Variants in LRRC4C observed in about 807,000 individuals in gnomAD.
LRRC4C encodes leucine-rich repeat-containing protein 4C.
A neutral mutation model predicts 33.6 loss-of-function variants in LRRC4C; 5 were observed. The observed-to-expected ratio is 0.15, with a 90% confidence interval of 0.08 to 0.31. The LOEUF (loss-of-function observed/expected upper bound fraction) is 0.31. Among genes scored for constraint, LRRC4C ranks in the 10% least tolerant of loss-of-function variants. The pLI is 1.00. For synonymous variants in LRRC4C, 329 were observed against 302.0 expected (o/e 1.09, Z -0.93); for missense variants, 560 against 796.7 (o/e 0.70, Z 3.58).
chr11:41,059,173 A>G (rs1858864492), intron 1 of LRRC4C, among the ~76,000 whole-genome samples: 1 of 150,594 alleles, frequency 6.6e-6, no homozygotes, highest in Non-Finnish European at 1.5e-5. Flanking sequence ...TGCCTATATA[A>G]GGAATCTGCA....
intron 1 of LRRC4C, among the ~76,000 whole-genome samples, chr11:41,132,473 GTTAC>G (rs897644917): frequency 2.0e-5 from 3 of 152,038 alleles, no homozygotes; most frequent in African/African-American, 7.2e-5. Context: ...ATATTATGCA[GTTAC>G]TTAAGATGAT....
chr11:41,228,276 TAGAG>T (rs199836526), intron 1 of LRRC4C, among the ~76,000 whole-genome samples: 12 of 151,324 alleles, frequency 7.9e-5, no homozygotes, highest in East Asian at 1.9e-4. Context: ...AGATCAATGA[TAGAG>T]AGAGAGAGAG....
chr11:40,984,415 G>GAAAGAGAA (rs775053197), intron 1 of LRRC4C, among the ~76,000 whole-genome samples: 2 of 73,604 alleles, frequency 2.7e-5, no homozygotes, highest in Non-Finnish European at 6.9e-5. Context: ...AAGAAAGAAA[G>GAAAGAGAA]AGAAAGAAAG....
intron 3 of LRRC4C, among the ~76,000 whole-genome samples, chr11:40,572,147 G>C (rs1169162827): frequency 2.0e-5 from 3 of 152,124 alleles, no homozygotes; most frequent in Non-Finnish European, 4.4e-5. Context: ...CAGTCATTTT[G>C]TTCATATGGG....
At chr11:41,368,844 C>T (rs1373820716) in intron 1 of LRRC4C, among the ~76,000 whole-genome samples, 1 of 152,168 alleles carries the variant, frequency 6.6e-6, no homozygotes, top group African/African-American at 2.4e-5. Context: ...AGGAGGCATA[C>T]TTTTTTCCCC....
In LRRC4C at chr11:41,305,992, G is replaced by T. The variant is rs1312224657; in HGVS notation, c.-496+153439C>A. Among the ~76,000 whole-genome samples the T allele has an allele frequency of 2.9e-4, 43 of 148,016 alleles. No homozygotes were observed. The East Asian group carries it at 8.0e-3, about 28-fold the overall frequency. On this transcript the variant is annotated intron_variant, in intron 1 of 6. Transcript: ENST00000528697. ...CGGGATCCTCCGTATGCTGAACGCT[G>T]GCCCCCTGGGCCCCCTTATTTCTTT... is the stretch of plus-strand genomic sequence containing the variant.
chr11:41,286,842 G>A (rs1023673581), intron 1 of LRRC4C, among the ~76,000 whole-genome samples: 5 of 152,052 alleles, frequency 3.3e-5, no homozygotes, highest in Non-Finnish European at 5.9e-5. Context: ...TAAGAAAAAG[G>A]AGAAGACTCA....
At chr11:40,263,949 T>C (rs1942055122) in intron 4 of LRRC4C, among the ~76,000 whole-genome samples, 1 of 152,218 alleles carries the variant, frequency 6.6e-6, no homozygotes, top group South Asian at 2.1e-4. Flanking sequence ...TAGAAGTTTA[T>C]CCTTCCGCGC....
At chr11:40,195,155 G>A (rs1482062583) in intron 5 of LRRC4C, among the ~76,000 whole-genome samples, 3 of 152,092 alleles carry the variant, frequency 2.0e-5, no homozygotes, top group Non-Finnish European at 4.4e-5. Flanking sequence ...CCTGTAGCCA[G>A]TGATCATGGC....
intron 3 of LRRC4C, among the ~76,000 whole-genome samples, chr11:40,461,408 T>A (rs557724913): frequency 6.2e-4 from 94 of 152,218 alleles, no homozygotes; most frequent in Admixed American, 1.4e-3. Flanking sequence ...GAGTTGTAAC[T>A]TTCTAGTGTC....
intron 1 of LRRC4C, among the ~76,000 whole-genome samples, chr11:41,166,841 C>T (rs1944752506): frequency 6.6e-6 from 1 of 152,090 alleles, no homozygotes; most frequent in South Asian, 2.1e-4. Flanking sequence ...TGATGCTTAC[C>T]TTATGTGAGG....
chr11:40,713,332 T>C (rs1179103971), intron 2 of LRRC4C, among the ~76,000 whole-genome samples: 2 of 152,228 alleles, frequency 1.3e-5, no homozygotes, highest in Non-Finnish European at 2.9e-5. Flanking sequence ...CAAGTGAGCA[T>C]GCCCTTTAGA....
intron 1 of LRRC4C, among the ~76,000 whole-genome samples, chr11:41,239,087 G>A (rs552343237): frequency 3.9e-4 from 59 of 150,608 alleles, no homozygotes; most frequent in African/African-American, 1.1e-3. Context: ...AGGCCGAGGC[G>A]GGCGGATCAC....
intron 2 of LRRC4C, among the ~76,000 whole-genome samples, chr11:40,703,092 A>G (rs1945958129): frequency 6.6e-6 from 1 of 152,090 alleles, no homozygotes; most frequent in Non-Finnish European, 1.5e-5. Flanking sequence ...GGGCAATTTT[A>G]TACCTCAGGG....
At chr11:40,296,216 G>T (rs773886367) in intron 4 of LRRC4C, among the ~76,000 whole-genome samples, 9 of 152,138 alleles carry the variant, frequency 5.9e-5, no homozygotes, top group Non-Finnish European at 1.3e-4. Context: ...CCCTTCAGCA[G>T]CTACAGTATC....
chr11:40,300,482 T>C (rs1024785893), intron 4 of LRRC4C, among the ~76,000 whole-genome samples: 3 of 152,256 alleles, frequency 2.0e-5, no homozygotes, highest in Admixed American at 1.3e-4. Context: ...AACTCAGCTA[T>C]GGTTGAAGTG....
intron 2 of LRRC4C, among the ~76,000 whole-genome samples, chr11:40,673,599 T>C (rs1370345058): frequency 6.6e-6 from 1 of 152,228 alleles, no homozygotes. Context: ...AGATGCTGTG[T>C]GCTTTATACA....
rs566590859 is a variant in LRRC4C at position 40,964,215 on chromosome 11, A to G, written c.-495-30492T>C. ...GCCTGATGCATGGCCAAGACACCTT[A>G]TGTGTTAGATATTATTTTTATCATT... is the stretch of plus-strand genomic sequence containing the variant. On this transcript the variant is annotated intron_variant, in intron 1 of 6. Transcript: ENST00000528697. Among the ~76,000 whole-genome samples, 3 of 151,846 alleles carry G rather than the reference A, an allele frequency of 2.0e-5. No homozygotes were observed. In the South Asian group the frequency reaches 6.2e-4, roughly 31 times the overall value.
chr11:40,933,288 C>T (rs190405730), intron 2 of LRRC4C, among the ~76,000 whole-genome samples: 4 of 152,314 alleles, frequency 2.6e-5, no homozygotes, highest in South Asian at 4.1e-4. Context: ...AATTTGTGTG[C>T]CTCAAGGAGA....
Sources: allele counts gnomAD v4.1 joint callset (sites outside exome capture counted in the v4.1 genomes callset), GRCh38; gene constraint gnomAD v4.1.1; transcripts MANE v1.5; gene names NCBI Gene and HGNC (gene_info 2026-07-23, HGNC 2026-07-21).